Variants in CBR4 observed in about 807,000 individuals in gnomAD.
CBR4 encodes 3-oxoacyl-[acyl-carrier-protein] reductase.
In CBR4, 22 loss-of-function variants were observed where a neutral mutation model predicts 21.0. That is an observed-to-expected ratio of 1.05 (90% CI 0.75 to 1.50). The LOEUF is 1.50. Among genes scored for constraint, CBR4 ranks in the 40% most tolerant of loss-of-function variants. CBR4 has a pLI of 0.00. For missense variants in CBR4, 302 were observed against 286.3 expected (o/e 1.05, Z -0.40); for synonymous variants, 100 against 104.4 (o/e 0.96, Z 0.26).
chr4:168,993,478 T>C (rs1173706378), intron 4 of CBR4, among the ~76,000 whole-genome samples: 26 of 152,162 alleles, frequency 1.7e-4, no homozygotes, highest in Admixed American at 1.7e-3. Context: ...CCCAAAGTGC[T>C]AGGATTACAG....
In CBR4 at chr4:169,009,952, G is replaced by A. The variant is rs773414726; in HGVS notation, c.138C>T (p.Leu46=). The stretch of plus-strand genomic sequence containing the variant: ...CAACTCCAGTTTGGTACCTACCGCC[G>A]AGGTCACCGGCGGCGGCTTTGGCCC... The part of the protein sequence containing the change: ...LEGAKAAAGD[L]GGDHLAFSCD... The change falls in exon 1 of 5, where the codon CTC becomes CTT. Residue 46 remains leucine (L), a synonymous_variant. Transcript: ENST00000306193. 2 of 1,611,376 alleles carry A rather than the reference G, an allele frequency of 1.2e-6. No homozygotes were observed. Among genetic ancestry groups the A allele is most frequent in the Non-Finnish European group, 1.7e-6 (2 of 1,179,060 alleles).
intron 2 of CBR4, among the ~76,000 whole-genome samples, chr4:168,944,829 G>C (rs1335893091): frequency 9.2e-5 from 14 of 152,094 alleles, no homozygotes; most frequent in Admixed American, 8.5e-4. Context: ...GTTTTCAATT[G>C]TTTCTTACTG....
At chr4:169,000,620 T>A (rs552829777) in intron 4 of CBR4, among the ~76,000 whole-genome samples, 1 of 152,346 alleles carries the variant, frequency 6.6e-6, no homozygotes, top group East Asian at 1.9e-4. Flanking sequence ...CCTTTTCTTA[T>A]ATAGGTGATT....
chr4:168,918,179 C>A (rs1378129896), intron 2 of CBR4, among the ~76,000 whole-genome samples: 1 of 150,136 alleles, frequency 6.7e-6, no homozygotes, highest in East Asian at 1.9e-4. Context: ...CAAGACTCCC[C>A]GTCTCCCCCA....
intron 2 of CBR4, among the ~76,000 whole-genome samples, chr4:168,899,790 G>A (rs576630103): frequency 5.3e-5 from 8 of 152,022 alleles, no homozygotes; most frequent in East Asian, 1.9e-4. Context: ...GGTGGTGGGC[G>A]CCTGTAATCT....
At chr4:168,930,971 T>C (rs1392631172) in intron 2 of CBR4, among the ~76,000 whole-genome samples, 2 of 152,112 alleles carry the variant, frequency 1.3e-5, no homozygotes, top group Non-Finnish European at 2.9e-5. Flanking sequence ...TGGGGCCCAG[T>C]AGCAAATGCA....
chr4:168,989,975 C>T lies in CBR4; in HGVS notation c.*175G>A. 1 of 1,172,840 alleles carries T rather than the reference C, an allele frequency of 8.5e-7. No homozygotes were observed. The highest frequency in any genetic ancestry group is 3.6e-5 in the South Asian group (1 of 27,772). 72.7% of individuals were successfully genotyped at this position (1,172,840 alleles called of 1,614,324 possible). ...GTAACTTAGACCAAAAAAAAAAAAACCACAATTTGTCACACATTGTTCTTT... is the reference window on the plus strand; with the variant it reads ...GTAACTTAGACCAAAAAAAAAAAAATCACAATTTGTCACACATTGTTCTTT... On this transcript the variant is annotated 3_prime_UTR_variant, in exon 5 of 5. Coordinates refer to ENST00000306193, the MANE Select transcript of CBR4 (RefSeq NM_032783.5).
chr4:168,940,518 A>G (rs1000451754), intron 2 of CBR4, among the ~76,000 whole-genome samples: 1 of 152,222 alleles, frequency 6.6e-6, no homozygotes, highest in Non-Finnish European at 1.5e-5. Flanking sequence ...ACAGAATAGG[A>G]GAAAATCTTT....
intron 1 of CBR4, among the ~76,000 whole-genome samples, chr4:169,009,481 G>T (rs1399702967): frequency 2.0e-5 from 3 of 152,252 alleles, no homozygotes; most frequent in African/African-American, 7.2e-5. Flanking sequence ...ACGGCCCTTG[G>T]GCAAAACTGA....
At chr4:168,965,987 A>C (rs2126740268) in intron 2 of CBR4, among the ~76,000 whole-genome samples, 2 of 152,332 alleles carry the variant, frequency 1.3e-5, no homozygotes, top group Middle Eastern at 3.4e-3. Flanking sequence ...AAATATCTGC[A>C]ATCTACCCAT....
chr4:169,004,205 G>T (rs1210910592), intron 3 of CBR4, among the ~76,000 whole-genome samples: 2 of 152,150 alleles, frequency 1.3e-5, no homozygotes, highest in African/African-American at 4.8e-5. Flanking sequence ...ATTATGACTT[G>T]CCAGAAGCTC....
At chr4:168,934,622 C>T (rs1324531033) in intron 2 of CBR4, among the ~76,000 whole-genome samples, 1 of 151,848 alleles carries the variant, frequency 6.6e-6, no homozygotes, top group Non-Finnish European at 1.5e-5. Flanking sequence ...GCTACCAAGA[C>T]TGAACCAAAA....
intron 4 of CBR4, among the ~76,000 whole-genome samples, chr4:168,994,745 A>ATTTTTTTT (rs5863973): frequency 4.1e-5 from 2 of 48,784 alleles, no homozygotes; most frequent in African/African-American, 7.6e-5. Context: ...CGCCTGGCTA[A>ATTTTTTTT]TTTTTTTTTT....
intron 3 of CBR4, among the ~76,000 whole-genome samples, chr4:169,006,443 C>A (rs1468523962): frequency 6.6e-6 from 1 of 152,178 alleles, no homozygotes; most frequent in African/African-American, 2.4e-5. Flanking sequence ...CAACAATCTA[C>A]TGAATCTAAG....
At chr4:168,921,741 G>A (rs1460753124) in intron 2 of CBR4, 1 of 1,609,698 alleles carries the variant, frequency 6.2e-7, no homozygotes, top group South Asian at 1.1e-5. Flanking sequence ...TGTGGTTGCT[G>A]GTAGGCTCAT....
chr4:168,916,053 TCCTATTGCC>T, intron 2 of CBR4: 1 of 1,605,736 alleles, frequency 6.2e-7, no homozygotes, highest in Non-Finnish European at 8.5e-7. Context: ...TGCTTGCATA[TCCTATTGCC>T]CCACTTCTCC....
downstream of CBR4, among the ~76,000 whole-genome samples, chr4:168,985,701 CA>C (rs1328989880): frequency 1.3e-5 from 2 of 151,380 alleles, no homozygotes; most frequent in East Asian, 1.9e-4. Context: ...AACACAGCTA[CA>C]AAAAAAAATT....
At chr4:168,907,968 A>G (rs1438490274) in intron 2 of CBR4, among the ~76,000 whole-genome samples, 1 of 152,188 alleles carries the variant, frequency 6.6e-6, no homozygotes, top group Non-Finnish European at 1.5e-5. Context: ...GGGTAGGGCT[A>G]AGAGTCTTCT....
chr4:168,995,368 G>A (rs1765143329), intron 4 of CBR4, among the ~76,000 whole-genome samples: 1 of 152,140 alleles, frequency 6.6e-6, no homozygotes, highest in South Asian at 2.1e-4. Context: ...GTGACCATTT[G>A]AACAGGTTTT....
Sources: gnomAD v4.1 joint callset for allele counts (sites outside exome capture counted in the v4.1 genomes callset) on GRCh38, gnomAD v4.1.1 for gene constraint, MANE v1.5 for transcripts, NCBI Gene and HGNC (gene_info 2026-07-23, HGNC 2026-07-21) for gene names.